Variants in HERPUD2 observed in about 807,000 individuals in gnomAD.
HERPUD2 encodes the protein HERPUD family member 2, also known as homocysteine-responsive endoplasmic reticulum-resident ubiquitin-like domain member 2 protein.
A neutral mutation model predicts 49.9 loss-of-function variants in HERPUD2; 13 were observed. The observed-to-expected ratio is 0.26, with a 90% CI of 0.17 to 0.41. The LOEUF (loss-of-function observed/expected upper bound fraction) is 0.41, where lower values mean the gene tolerates loss of function less well. Ranked by LOEUF, HERPUD2 falls within the 10% of genes least tolerant of loss-of-function variation. The pLI is 1.00. For synonymous variants in HERPUD2, 172 were observed against 171.4 expected, an observed-to-expected ratio of 1.00 and a Z score of -0.03; for missense variants, 449 against 492.2, an observed-to-expected ratio of 0.91 and a Z score of 0.83.
At chr7:35,691,637 ATC>A (rs1583575973) in intron 2 of HERPUD2, among the ~76,000 whole-genome samples, 3 of 152,260 alleles carry the variant, frequency 2.0e-5, no homozygotes, top group South Asian at 4.1e-4. Flanking sequence ...ACAAGAAATT[ATC>A]TCTGTTAAAC....
chr7:35,643,508 T>A (rs1785000346), intron 5 of HERPUD2, among the ~76,000 whole-genome samples: 1 of 152,126 alleles, frequency 6.6e-6, no homozygotes, highest in East Asian at 1.9e-4. Flanking sequence ...TTCTTAGATA[T>A]TTACATGAAA....
intron 5 of HERPUD2, 51 bp from the exon 6 acceptor site, chr7:35,638,523 T>G: frequency 6.5e-7 from 1 of 1,540,064 alleles, no homozygotes. Context: ...GCTAAAAGTA[T>G]TATTCTAAAT....
chr7:35,686,733 AAAAAAAAAAAAAC>A lies in HERPUD2; in HGVS notation c.147+7438_147+7450del, dbSNP rs1376121260. 3.8e-3 allele frequency among the ~76,000 whole-genome samples: 417 copies of A among 109,234 alleles called. 25 individuals are homozygous for A. Among genetic ancestry groups the A allele is most frequent in the African/African-American group, 0.015 (397 of 25,688 alleles). The allele number at this position is 109,234 out of a possible 152,430, so 71.7% of individuals were successfully genotyped here. ...CACTCCGTCTCAAAAAAAAAAAAAA[AAAAAAAAAAAAAC>A]CAAACCCATTTCCAGGCCAGGGGTG... On this transcript the variant is annotated intron_variant, in intron 2 of 8. Transcript: ENST00000311350.
At chr7:35,661,110 C>T (rs1286746646) in intron 5 of HERPUD2, among the ~76,000 whole-genome samples, 2 of 152,110 alleles carry the variant, frequency 1.3e-5, no homozygotes, top group Non-Finnish European at 2.9e-5. Context: ...TAGCCAGTTT[C>T]CCCAGCACCA....
At chr7:35,674,404 T>TATATATATATATAGAG (rs1785711309) in intron 2 of HERPUD2, among the ~76,000 whole-genome samples, 3 of 38,130 alleles carry the variant, frequency 7.9e-5, no homozygotes, top group Admixed American at 3.7e-4. Flanking sequence ...TATATATATA[T>TATATATATATATAGAG]AGAGAGAGAG....
At chr7:35,694,090 A>T in intron 2 of HERPUD2, 94 bp downstream of exon 2, 1 of 1,356,074 alleles carries the variant, frequency 7.4e-7, no homozygotes, top group Non-Finnish European at 1.0e-6. Flanking sequence ...GACCTATTTG[A>T]TTCAAGACTG....
At position 35,667,457 on chromosome 7, in the gene HERPUD2, G is replaced by A. The variant is rs749366894; in HGVS notation, c.471C>T (p.His157=). ...ACCCTTGCATTACATATGGAAACTGGTGACTCTGTGCTTGGTCAGTTTGTG... is the reference window on the plus strand; with the variant it reads ...ACCCTTGCATTACATATGGAAACTGATGACTCTGTGCTTGGTCAGTTTGTG... ...PQAQTDQAQS[H]QFPYVMQGNV... The change falls in exon 5 of 9, where the codon CAC becomes CAT. Residue 157 remains histidine (H), a synonymous_variant. Transcript: ENST00000311350. The A allele has an allele frequency of 1.2e-6, 2 of 1,613,414 alleles. No individual in the cohort carries two copies. The highest frequency in any genetic ancestry group is 2.2e-5 in the East Asian group (1 of 44,870).
At chr7:35,682,259 G>A (rs1785910933) in intron 2 of HERPUD2, among the ~76,000 whole-genome samples, 1 of 67,150 alleles carries the variant, frequency 1.5e-5, no homozygotes, top group Admixed American at 1.5e-4. Flanking sequence ...ACGTGTGTGT[G>A]TGTATATATA....
At chr7:35,672,820 C>T (rs770115620) in intron 3 of HERPUD2, among the ~76,000 whole-genome samples, 41 of 152,148 alleles carry the variant, frequency 2.7e-4, no homozygotes, top group Admixed American at 3.9e-4. Context: ...CCAACTCAAG[C>T]AATTTGTATA....
chr7:35,645,087 T>C (rs985192526), intron 5 of HERPUD2, among the ~76,000 whole-genome samples: 1 of 152,230 alleles, frequency 6.6e-6, no homozygotes, highest in Non-Finnish European at 1.5e-5. Flanking sequence ...TGAACAATGG[T>C]AGTTTGCTGA....
At chr7:35,660,961 T>C (rs1785405606) in intron 5 of HERPUD2, among the ~76,000 whole-genome samples, 1 of 152,252 alleles carries the variant, frequency 6.6e-6, no homozygotes, top group South Asian at 2.1e-4. Context: ...CCCATGCCTA[T>C]GTCCTGAATG....
intron 5 of HERPUD2, among the ~76,000 whole-genome samples, chr7:35,660,835 T>A (rs561574261): frequency 6.7e-4 from 102 of 152,362 alleles, no homozygotes; most frequent in African/African-American, 2.3e-3. Flanking sequence ...GGTTGCCTGT[T>A]CACTCTGATG....
chr7:35,667,970 A>G (rs1216060062), intron 4 of HERPUD2, among the ~76,000 whole-genome samples: 1 of 152,192 alleles, frequency 6.6e-6, no homozygotes, highest in Non-Finnish European at 1.5e-5. Context: ...AGTGTTCAAT[A>G]AATGGTACTA....
Position 35,633,869 on chromosome 7 carries a change from A to G in HERPUD2, c.1060-18T>C, listed in dbSNP as rs1784828686. On this transcript the variant is annotated intron_variant, in intron 8 of 8. Coordinates refer to ENST00000311350, the MANE Select transcript of HERPUD2 (RefSeq NM_022373.5). The stretch of plus-strand genomic sequence containing the variant: ...AGACGCTCCTTTCAAGCAAAACAAG[A>G]AAGATACTCCTGAGTGATATGAACG... 2 of 1,610,324 alleles carry G rather than the reference A, an allele frequency of 1.2e-6. No individual in the cohort carries two copies. The highest frequency in any genetic ancestry group is 1.3e-5 in the African/African-American group (1 of 74,714).
chr7:35,647,618 T>C (rs1479156159), intron 5 of HERPUD2, among the ~76,000 whole-genome samples: 1 of 152,216 alleles, frequency 6.6e-6, no homozygotes, highest in Non-Finnish European at 1.5e-5. Context: ...ACTGCCATTA[T>C]GAACAAAGTC....
chr7:35,666,603 T>C (rs138716896), intron 5 of HERPUD2, among the ~76,000 whole-genome samples: 129 of 152,352 alleles, frequency 8.5e-4, no homozygotes, highest in Non-Finnish European at 1.5e-3. Context: ...TTACTCAAGC[T>C]TCCTTTACCT....
intron 5 of HERPUD2, among the ~76,000 whole-genome samples, chr7:35,649,177 G>T (rs996124898): frequency 6.6e-6 from 1 of 151,986 alleles, no homozygotes; most frequent in African/African-American, 2.4e-5. Flanking sequence ...CGTGAACCTG[G>T]GAGGCAGAGC....
At chr7:35,670,138 G>T in intron 4 of HERPUD2, 77 bp downstream of exon 4, 1 of 623,856 alleles carries the variant, frequency 1.6e-6, no homozygotes, top group Non-Finnish European at 2.7e-6. Context: ...TTTTCATTTA[G>T]TTTTTAGAGG....
At chr7:35,655,984 A>G (rs1282373599) in intron 5 of HERPUD2, among the ~76,000 whole-genome samples, 1 of 152,094 alleles carries the variant, frequency 6.6e-6, no homozygotes, top group African/African-American at 2.4e-5. Flanking sequence ...ATAATGGTGA[A>G]ACTCTGCCTC....
Sources: gnomAD v4.1 joint callset for allele counts (sites outside exome capture counted in the v4.1 genomes callset) on GRCh38, gnomAD v4.1.1 for gene constraint, MANE v1.5 for transcripts, NCBI Gene and HGNC (gene_info 2026-07-23, HGNC 2026-07-21) for gene names.